Variants in CDKL5 observed in about 807,000 individuals in gnomAD.
The protein encoded by CDKL5 is cyclin-dependent kinase-like 5.
CDKL5 carries 8 observed loss-of-function variants against 61.7 expected under a neutral mutation model. The ratio of observed to expected loss-of-function variants is 0.13; its 90% CI spans 0.08 to 0.23. The LOEUF (loss-of-function observed/expected upper bound fraction) is 0.23. CDKL5 is among the 10% of genes least tolerant of loss of function. CDKL5 has a pLI of 1.00. For missense variants in CDKL5, 440 were observed against 734.5 expected (o/e 0.60, Z 4.63); for synonymous variants, 275 against 272.3 (o/e 1.01, Z -0.10).
chrX:18,518,498 G>A (rs1445870641), intron 3 of CDKL5, among the ~76,000 whole-genome samples: 2 of 96,034 alleles, frequency 2.1e-5, no homozygotes, highest in African/African-American at 7.7e-5. Context: ...TCTGCCTCCC[G>A]GGTTCAAGTG....
At chrX:18,601,099 A>T (rs1274661068) in intron 11 of CDKL5, among the ~76,000 whole-genome samples, 1 of 111,841 alleles carries the variant, frequency 8.9e-6, no homozygotes, top group Non-Finnish European at 1.9e-5. Flanking sequence ...GTTGCCACGT[A>T]CAAACTCCCC....
Position 18,584,252 on chromosome X carries a change from C to T in CDKL5, c.464-11C>T. On this transcript the variant is annotated splice_polypyrimidine_tract_variant and intron_variant, in intron 7 of 17. Transcript: ENST00000623535. ...TTCAAAGTTACAACTTTGGACTTTG[C>T]TATCTTTCAGGTTTTGCTCGTAATC... is the stretch of plus-strand genomic sequence containing the variant. 3 of 1,160,941 alleles carry T rather than the reference C, an allele frequency of 2.6e-6. No homozygotes were observed.
Position 18,640,133 on chromosome X carries a change from A to C in CDKL5, c.*11376A>C, listed in dbSNP as rs773897041. The C allele has an allele frequency of 9.0e-6, 1 of 111,568 alleles. No individual in the cohort carries two copies. Among genetic ancestry groups the C allele is most frequent in the African/African-American group, 3.3e-5 (1 of 30,727 alleles). 9.2% of individuals were successfully genotyped at this position (111,568 alleles called of 1,213,427 possible). A position where few individuals can be genotyped will look rare whatever the true frequency, so the allele number is the denominator to read the frequency against. ...AAAAGTCATCAAATTGTACACTTTA[A>C]ATGGATACAAATTGTATGTGAACTT... On this transcript the variant is annotated 3_prime_UTR_variant, in exon 18 of 18. Coordinates refer to ENST00000623535, the MANE Select transcript of CDKL5 (RefSeq NM_001323289.2).
chrX:18,499,911 G>A (rs113111069), intron 1 of CDKL5, among the ~76,000 whole-genome samples: 1,306 of 111,869 alleles, frequency 0.012, 7 homozygotes, highest in Non-Finnish European at 0.019. Flanking sequence ...CCCTCAGAGC[G>A]TTGCTTTTTT....
At chrX:18,524,019 A>G (rs1471258966) in intron 3 of CDKL5, among the ~76,000 whole-genome samples, 2 of 111,745 alleles carry the variant, frequency 1.8e-5, no homozygotes, top group Non-Finnish European at 3.8e-5. Flanking sequence ...ATAAGGTACC[A>G]TCTGTGAATA....
Position 18,608,921 on chromosome X carries a change from C to T in CDKL5, c.2046+9C>T, listed in dbSNP as rs1215810014. On this transcript the variant is annotated intron_variant, in intron 13 of 17. Coordinates refer to ENST00000623535, the MANE Select transcript of CDKL5 (RefSeq NM_001323289.2). ...CACGCCAGAAGTCTGAGGTATGTCA[C>T]AATAAAATATGCCTGTAAACATTTG... 5.6e-6 allele frequency: 6 copies of T among 1,076,203 alleles called. No individual in the cohort carries two copies. Among genetic ancestry groups the T allele is most frequent in the Admixed American group, 4.4e-5 (2 of 45,550 alleles). The allele number at this position is 1,076,203 out of a possible 1,213,427, so 88.7% of individuals were successfully genotyped here.
At chrX:18,604,908 G>T (rs371157050) in intron 12 of CDKL5, 40 bp downstream of exon 12, 15 of 1,198,891 alleles carry the variant, frequency 1.3e-5, no homozygotes, top group Non-Finnish European at 1.7e-5. Context: ...TGGCCCTTCA[G>T]GGGAAGGTGG....
At chrX:18,649,336 G>A (rs1927931356) in intron 20 of CDKL5, among the ~76,000 whole-genome samples, 1 of 111,862 alleles carries the variant, frequency 8.9e-6, no homozygotes, top group Non-Finnish European at 1.9e-5. Flanking sequence ...CTGGGCTCAA[G>A]TGATCCTCCC....
chrX:18,647,884 C>T (rs1327457985), intron 20 of CDKL5, among the ~76,000 whole-genome samples: 1 of 98,145 alleles, frequency 1.0e-5, no homozygotes, highest in Admixed American at 1.0e-4. Context: ...GTTTTCTCAC[C>T]AGTCTAATGA....
chrX:18,652,875 T>C lies in CDKL5; in HGVS notation c.2981-557T>C, dbSNP rs1454961571. ...GAGATAGATAAAGGCATATTTGCAA[T>C]ATGTTACCAGCCCAAGGCTGTGTAT... On this transcript the variant is annotated intron_variant, in intron 21 of 21. Transcript: ENST00000379989. Among the ~76,000 whole-genome samples the C allele has an allele frequency of 2.7e-5, 3 of 112,493 alleles. No homozygotes were observed. The Admixed American group carries it at 2.8e-4, about 11-fold the overall frequency.
At chrX:18,513,970 A>T (rs1348013005) in intron 3 of CDKL5, among the ~76,000 whole-genome samples, 1 of 112,135 alleles carries the variant, frequency 8.9e-6, no homozygotes, top group Non-Finnish European at 1.9e-5. Flanking sequence ...ATAAAAATGT[A>T]TAAGTCAGGT....
chrX:18,519,799 G>A (rs1923180546), intron 3 of CDKL5, among the ~76,000 whole-genome samples: 1 of 112,311 alleles, frequency 8.9e-6, no homozygotes, highest in African/African-American at 3.2e-5. Flanking sequence ...ATTTATGAGT[G>A]TAAAATACTT....
downstream of CDKL5, chrX:18,640,967 A>G (rs1927553404): frequency 8.9e-6 from 1 of 112,858 alleles, no homozygotes; most frequent in Non-Finnish European, 1.9e-5. Context: ...GAGCAGGCGC[A>G]GTTTGCGTAT....
intron 1 of CDKL5, among the ~76,000 whole-genome samples, chrX:18,463,332 A>G (rs1224315632): frequency 4.5e-5 from 5 of 111,667 alleles, no homozygotes; most frequent in Admixed American, 1.9e-4. Context: ...AGTTTAGTGT[A>G]AGAAATTCAG....
At chrX:18,479,315 T>C (rs1921452430) in intron 1 of CDKL5, among the ~76,000 whole-genome samples, 1 of 78,273 alleles carries the variant, frequency 1.3e-5, no homozygotes, top group African/African-American at 4.9e-5. Context: ...CCACTATTTC[T>C]TTTTTTTTTT....
At chrX:18,510,678 G>T (rs1922794730) in intron 2 of CDKL5, 142 bp from the exon 3 acceptor site, 4 of 497,842 alleles carry the variant, frequency 8.0e-6, no homozygotes, top group Admixed American at 5.9e-5. Context: ...TGTTCCATTT[G>T]TATGTGGCTC....
intron 20 of CDKL5, chrX:18,647,532 AAG>A (rs907463938): frequency 4.4e-6 from 2 of 452,855 alleles, no homozygotes; most frequent in African/African-American, 4.8e-5. Flanking sequence ...GGATGAAGTA[AAG>A]GAATTGCCAT....
chrX:18,428,963 T>C (rs1345262280), intron 1 of CDKL5, among the ~76,000 whole-genome samples: 2 of 111,598 alleles, frequency 1.8e-5, no homozygotes, highest in Non-Finnish European at 3.8e-5. Flanking sequence ...CGCACAATTT[T>C]AGTGTTCAGA....
chrX:18,581,788 A>G, intron 6 of CDKL5, 103 bp from the exon 7 acceptor site: 2 of 529,491 alleles, frequency 3.8e-6, no homozygotes, highest in South Asian at 6.3e-5. Context: ...TATTCAAATT[A>G]CTCTAGATAT....
Sources: gnomAD v4.1 joint callset for allele counts (sites outside exome capture counted in the v4.1 genomes callset) on GRCh38, gnomAD v4.1.1 for gene constraint, MANE v1.5 for transcripts, NCBI Gene and HGNC (gene_info 2026-07-23, HGNC 2026-07-21) for gene names.